OR1J2: variants seen among roughly 807,000 people sequenced by gnomAD.
OR1J2 encodes olfactory receptor family 1 subfamily J member 2.
For synonymous variants in OR1J2, 142 were observed against 99.7 expected (o/e 1.42, Z -2.52); for missense variants, 304 against 246.1 (o/e 1.24, Z -1.57).
the OR1J2 span, chr9:122,448,792 T>C: frequency 6.6e-6 from 1 of 152,132 alleles, no homozygotes; most frequent in Non-Finnish European, 1.5e-5. Context: ...AGCTCAAAGT[T>C]GGGGCAAAGT....
In OR1J2 at chr9:122,511,595, G is replaced by A. The variant is rs1223611898; in HGVS notation, c.794G>A (p.Ser265Asn). ...GGCCAGTACCTTTTCCCGACTGTAA[G>A]CAGTTCTATTGACAAGGATGTCATT... The part of the protein sequence containing the change: ...IFGQYLFPTV[S>N]SSIDKDVIVA... Residue 265 changes from serine (S) to asparagine (N), a missense_variant, in exon 1 of 1, where the codon AGC (serine) becomes AAC (asparagine). Ser to Asn is a conservative substitution (Grantham distance 46, BLOSUM62 1). Transcript: ENST00000335302. 2.6e-6 allele frequency: 2 copies of A among 781,042 alleles called. No individual in the cohort carries two copies. The highest frequency in any genetic ancestry group is 4.8e-6 in the Non-Finnish European group (2 of 418,124). 48.4% of individuals were successfully genotyped at this position (781,042 alleles called of 1,614,324 possible). A position where few individuals can be genotyped will look rare whatever the true frequency, so the allele number is the denominator to read the frequency against.
the OR1J2 span, chr9:122,568,297 ACATAGGGGT>A: frequency 6.2e-7 from 1 of 1,614,168 alleles, no homozygotes; most frequent in Non-Finnish European, 8.5e-7. Context: ...AAGAAGAAAT[ACATAGGGGT>A]CTGAAGATGG....
chr9:122,533,192 C>T, the OR1J2 span, among the ~76,000 whole-genome samples: 41,644 of 151,772 alleles, frequency 0.27, 5,995 homozygotes, highest in East Asian at 0.52. Flanking sequence ...TTTGGCACCA[C>T]AGGGTGGATA....
the OR1J2 span, among the ~76,000 whole-genome samples, chr9:122,548,685 C>A: frequency 7.8e-3 from 1,184 of 151,730 alleles, 8 homozygotes; most frequent in Non-Finnish European, 0.013. Context: ...TGTTGGTGTG[C>A]TGCACCCATT....
downstream of OR1J2, among the ~76,000 whole-genome samples, chr9:122,515,439 T>A (rs2119386795): frequency 6.6e-6 from 1 of 151,432 alleles, no homozygotes; most frequent in South Asian, 2.1e-4. Context: ...TCATTTTTTA[T>A]TCCCAGTTCC....
chr9:122,570,459 T>G, the OR1J2 span, among the ~76,000 whole-genome samples: 1 of 152,250 alleles, frequency 6.6e-6, no homozygotes, highest in Admixed American at 6.5e-5. Flanking sequence ...ACTAAAAAAT[T>G]AAATGCTTAC....
chr9:122,492,905 G>T, the OR1J2 span, among the ~76,000 whole-genome samples: 1,935 of 152,196 alleles, frequency 0.013, 36 homozygotes, highest in African/African-American at 0.045. Flanking sequence ...TTTGCTGAAG[G>T]TTTTAATCGT....
chr9:122,460,043 T>A, the OR1J2 span, among the ~76,000 whole-genome samples: 1 of 152,110 alleles, frequency 6.6e-6, no homozygotes, highest in Non-Finnish European at 1.5e-5. Flanking sequence ...CAACATACGA[T>A]GTTTGGTTTT....
the OR1J2 span, chr9:122,520,040 C>T: frequency 6.2e-7 from 1 of 1,614,038 alleles, no homozygotes; most frequent in African/African-American, 1.3e-5. Context: ...TAAAGGGAGC[C>T]CTGGAGAGAC....
chr9:122,516,033 C>G (rs1417622), downstream of OR1J2, among the ~76,000 whole-genome samples: 28,306 of 151,840 alleles, frequency 0.19, 2,810 homozygotes, highest in Middle Eastern at 0.3. Flanking sequence ...TTTTTATAGA[C>G]CTTACCTTAT....
chr9:122,565,005 AC>A, the OR1J2 span, among the ~76,000 whole-genome samples: 26 of 152,354 alleles, frequency 1.7e-4, no homozygotes, highest in Admixed American at 3.3e-4. Context: ...GTCAAAAAGT[AC>A]AAATAAATCT....
the OR1J2 span, among the ~76,000 whole-genome samples, chr9:122,459,016 G>A: frequency 6.6e-6 from 1 of 151,900 alleles, no homozygotes; most frequent in Middle Eastern, 3.4e-3. Context: ...ACCTCCATGA[G>A]GTCAAATTTT....
At chr9:122,482,971 A>T in the OR1J2 span, among the ~76,000 whole-genome samples, 4 of 152,160 alleles carry the variant, frequency 2.6e-5, no homozygotes, top group African/African-American at 7.2e-5. Context: ...ATTGTTAACA[A>T]CATTGTATAT....
chr9:122,532,327 T>A, the OR1J2 span, among the ~76,000 whole-genome samples: 95 of 152,260 alleles, frequency 6.2e-4, no homozygotes, highest in Non-Finnish European at 7.4e-5. Flanking sequence ...GCTAGTGGCT[T>A]GTGCTATAGC....
the OR1J2 span, among the ~76,000 whole-genome samples, chr9:122,580,360 AC>A: frequency 6.6e-6 from 1 of 152,250 alleles, no homozygotes; most frequent in Non-Finnish European, 1.5e-5. Flanking sequence ...AGGATGGCAC[AC>A]TAGAATGCGG....
the OR1J2 span, among the ~76,000 whole-genome samples, chr9:122,576,388 ATT>A: frequency 0.13 from 17,879 of 138,504 alleles, 1,587 homozygotes; most frequent in East Asian, 0.26. Context: ...CGCCCAGCTA[ATT>A]TTTTTTTTTT....
chr9:122,462,753 A>G, the OR1J2 span, among the ~76,000 whole-genome samples: 586 of 152,292 alleles, frequency 3.8e-3, 5 homozygotes, highest in African/African-American at 0.013. Context: ...TAGGACCCCA[A>G]ACTCTTCTAG....
chr9:122,508,848 A>G (rs1828578399), upstream of OR1J2, among the ~76,000 whole-genome samples: 1 of 152,200 alleles, frequency 6.6e-6, no homozygotes, highest in Non-Finnish European at 1.5e-5. Flanking sequence ...GGAGGTCAGA[A>G]GTCTAAAATG....
chr9:122,540,240 T>C, the OR1J2 span, among the ~76,000 whole-genome samples: 1 of 152,178 alleles, frequency 6.6e-6, no homozygotes, highest in South Asian at 2.1e-4. Context: ...GGGGTTTTTA[T>C]GGTTTTAGGT....
Sources: gnomAD v4.1 joint callset for allele counts (sites outside exome capture counted in the v4.1 genomes callset) on GRCh38, gnomAD v4.1.1 for gene constraint, MANE v1.5 for transcripts, NCBI Gene and HGNC (gene_info 2026-07-23, HGNC 2026-07-21) for gene names.